Variants in SVIL observed in about 807,000 individuals in gnomAD.
SVIL encodes supervillin.
SVIL carries 101 observed loss-of-function variants against 240.4 expected under a neutral mutation model. The observed-to-expected ratio is 0.42, with a 90% confidence interval of 0.36 to 0.50. SVIL has a LOEUF of 0.50. Among genes scored for constraint, SVIL ranks in the 20% least tolerant of loss-of-function variants. The pLI, the probability that SVIL is intolerant of heterozygous loss-of-function variation, is 0.01. For missense variants in SVIL, 2,512 were observed against 2,818.7 expected (o/e 0.89, Z 2.46); for synonymous variants, 999 against 1,100.0 (o/e 0.91, Z 1.82).
At chr10:29,534,988 G>A (rs538589235) in intron 7 of SVIL, among the ~76,000 whole-genome samples, 87 of 152,248 alleles carry the variant, frequency 5.7e-4, no homozygotes, top group East Asian at 3.9e-4. Context: ...GATTTCTTGC[G>A]GGGAGAGGAA....
At position 29,663,903 on chromosome 10, in the gene SVIL, T is replaced by G. The variant is rs958546843; in HGVS notation, c.-300-5835A>C. On this transcript the variant is annotated intron_variant, in intron 2 of 35. Coordinates refer to the SVIL transcript ENST00000375400. The stretch of plus-strand genomic sequence containing the variant: ...AGATGCTCACAGTCAAAATAGCAAC[T>G]GACGCCAAGGGCACATCAAGGAGAG... 2.0e-5 allele frequency among the ~76,000 whole-genome samples: 3 copies of G among 152,182 alleles called. No homozygotes were observed. In the South Asian group the frequency reaches 6.2e-4, roughly 31 times the overall value.
At chr10:29,682,574 A>G (rs1428471467) in intron 2 of SVIL, among the ~76,000 whole-genome samples, 1 of 152,230 alleles carries the variant, frequency 6.6e-6, no homozygotes, top group Non-Finnish European at 1.5e-5. Flanking sequence ...TAATTATTAC[A>G]TAATTAATAA....
intron 2 of SVIL, among the ~76,000 whole-genome samples, chr10:29,565,723 C>CT (rs1329811891): frequency 8.9e-6 from 1 of 111,852 alleles, no homozygotes; most frequent in Non-Finnish European, 1.9e-5. Context: ...GATCCCATCT[C>CT]TAAAAAAAAA....
At chr10:29,661,459 A>G (rs1475642589) in intron 2 of SVIL, among the ~76,000 whole-genome samples, 1 of 152,220 alleles carries the variant, frequency 6.6e-6, no homozygotes, top group African/African-American at 2.4e-5. Context: ...CACCGGAGAA[A>G]GGAGAATGAG....
chr10:29,664,010 C>T (rs375969539), intron 2 of SVIL, among the ~76,000 whole-genome samples: 9 of 152,330 alleles, frequency 5.9e-5, no homozygotes, highest in East Asian at 5.8e-4. Context: ...TATCTTCCTA[C>T]GGGACACGTT....
intron 35 of SVIL, among the ~76,000 whole-genome samples, 164 bp downstream of exon 35, chr10:29,463,328 T>G (rs538222179): frequency 1.1e-3 from 169 of 152,244 alleles, no homozygotes; most frequent in African/African-American, 3.9e-3. Flanking sequence ...TTAATACATC[T>G]CAAAAAGTTA....
At chr10:29,670,284 T>C (rs532403907) in intron 2 of SVIL, among the ~76,000 whole-genome samples, 2 of 152,278 alleles carry the variant, frequency 1.3e-5, no homozygotes, top group South Asian at 2.1e-4. Context: ...ACCTAAGAAA[T>C]GGATTTCTGT....
chr10:29,550,473 G>T, intron 6 of SVIL, 124 bp downstream of exon 6: 21 of 1,047,354 alleles, frequency 2.0e-5, no homozygotes, highest in Non-Finnish European at 2.7e-5. Flanking sequence ...CATATACTAT[G>T]ATATTTCTCC....
Position 29,512,724 on chromosome 10 carries a change from G to C in SVIL, c.3516+11C>G, listed in dbSNP as rs376302704. ...TAGTCGGAAGGCTTTTCCTAACATG[G>C]GGAATGTTACCTTCTTGATGAGGGA... is the stretch of plus-strand genomic sequence containing the variant. On this transcript the variant is annotated intron_variant, in intron 17 of 37. Coordinates refer to ENST00000355867, the MANE Select transcript of SVIL (RefSeq NM_021738.3). The C allele has an allele frequency of 3.3e-5, 54 of 1,614,036 alleles. No homozygotes were observed. Among genetic ancestry groups the C allele is most frequent in the Non-Finnish European group, 4.5e-5 (53 of 1,180,052 alleles).
chr10:29,587,999 G>T (rs575803632), intron 1 of SVIL, among the ~76,000 whole-genome samples: 1 of 152,088 alleles, frequency 6.6e-6, no homozygotes, highest in Non-Finnish European at 1.5e-5. Context: ...ACTGTACTAC[G>T]CATACAAGGA....
At chr10:29,561,094 T>A (rs1954425659) in intron 3 of SVIL, among the ~76,000 whole-genome samples, 1 of 149,852 alleles carries the variant, frequency 6.7e-6, no homozygotes, top group Non-Finnish European at 1.5e-5. Context: ...GTGCTGGGAT[T>A]ACAGATGCGA....
intron 16 of SVIL, among the ~76,000 whole-genome samples, chr10:29,519,435 TTA>T (rs977982063): frequency 6.6e-6 from 1 of 152,172 alleles, no homozygotes; most frequent in Non-Finnish European, 1.5e-5. Context: ...TCCTATGATT[TTA>T]TATATTTCTT....
At chr10:29,554,757 A>T in intron 5 of SVIL, 26 bp downstream of exon 5, 1 of 1,514,202 alleles carries the variant, frequency 6.6e-7, no homozygotes, top group Middle Eastern at 2.2e-4. Context: ...CCTGCTGGAA[A>T]ATGGGCCACC....
intron 1 of SVIL, among the ~76,000 whole-genome samples, chr10:29,586,821 T>C (rs1465943046): frequency 6.6e-6 from 1 of 152,148 alleles, no homozygotes; most frequent in Non-Finnish European, 1.5e-5. Context: ...TGTTCTCACT[T>C]ATAAGTGGAA....
At position 29,698,780 on chromosome 10, in the gene SVIL, G is replaced by T. The variant is rs190958810; in HGVS notation, c.-399-12129C>A. On this transcript the variant is annotated intron_variant, in intron 1 of 35. Transcript: ENST00000375400. ...ATTTTGTATCTAAAAAGAAGTCTAG[G>T]CGCTAGGTATAGACCTTAGGAAGCA... Among the ~76,000 whole-genome samples the T allele has an allele frequency of 1.1e-4, 16 of 150,902 alleles. No individual in the cohort carries two copies. The East Asian group carries it at 3.1e-3, about 29-fold the overall frequency.
At chr10:29,490,024 A>G (rs982161346) in intron 22 of SVIL, among the ~76,000 whole-genome samples, 1 of 152,204 alleles carries the variant, frequency 6.6e-6, no homozygotes, top group Non-Finnish European at 1.5e-5. Flanking sequence ...TCAAACCAAG[A>G]AAATCACTGT....
At chr10:29,735,939 C>A (rs1964881222), upstream of SVIL, 1 of 152,424 alleles carries the variant, frequency 6.6e-6, no homozygotes. This position sits in a 1 kb window ranked among gnomAD's most constrained non-coding sequence, Gnocchi z 4.1. Context: ...CCACCCCTTG[C>A]GACCCGCGCG....
intron 1 of SVIL, among the ~76,000 whole-genome samples, chr10:29,609,793 C>T (rs1957171046): frequency 6.6e-6 from 1 of 152,222 alleles, no homozygotes. Context: ...GTGGCCAGAC[C>T]CTGTGTTCAC....
intron 1 of SVIL, among the ~76,000 whole-genome samples, chr10:29,607,177 T>C (rs1268521188): frequency 1.3e-5 from 2 of 152,260 alleles, no homozygotes; most frequent in Admixed American, 1.3e-4. Context: ...TCTAGTTTTC[T>C]TCGTTGACTT....
Sources: gnomAD v4.1 joint callset for allele counts (sites outside exome capture counted in the v4.1 genomes callset) on GRCh38, gnomAD v4.1.1 for gene constraint, Gnocchi (gnomAD v3.1) non-coding constraint, MANE v1.5 for transcripts, NCBI Gene and HGNC (gene_info 2026-07-23, HGNC 2026-07-21) for gene names.